FTCD: variants seen among roughly 807,000 people sequenced by gnomAD.
The protein encoded by FTCD is formimidoyltransferase-cyclodeaminase.
In FTCD, 76 loss-of-function variants were observed where a neutral mutation model predicts 62.9. The observed-to-expected ratio is 1.21, with a 90% CI of 1.00 to 1.46. The LOEUF is 1.46. Ranked by LOEUF, FTCD falls within the 40% of genes most tolerant of loss-of-function variation. The pLI is 0.00. For missense variants in FTCD, 845 were observed against 751.3 expected (o/e 1.12, Z -1.46); for synonymous variants, 397 against 336.9 (o/e 1.18, Z -1.95).
In FTCD at chr21:46,139,177, G is replaced by A. The variant is rs1264507640; in HGVS notation, c.1261-254C>T. 8.3e-5 allele frequency: 47 copies of A among 569,680 alleles called. No individual in the cohort carries two copies. The East Asian group carries it at 1.3e-3, about 16-fold the overall frequency. The allele number at this position is 569,680 out of a possible 1,614,324, so 35.3% of individuals were successfully genotyped here. ...GTGAGAAGCAGGTAGTTCCCTCAGG[G>A]CCCTTATTCTCAGCTAAAGAGCCTG... is the stretch of plus-strand genomic sequence containing the variant. On this transcript the variant is annotated intron_variant, in intron 10 of 13. Coordinates refer to ENST00000397746, the MANE Select transcript of FTCD (RefSeq NM_206965.2).
Position 46,155,467 on chromosome 21 carries a change from C to T in FTCD, c.54+3G>A. The T allele has an allele frequency of 1.2e-6, 2 of 1,612,154 alleles. No individual in the cohort carries two copies. The highest frequency in any genetic ancestry group is 1.7e-6 in the Non-Finnish European group (2 of 1,179,092). On this transcript the variant is annotated splice_donor_region_variant and intron_variant, in intron 1 of 13. Transcript: ENST00000397746. ...GATGCTTGACCAGCTCCTCGGGCCT[C>T]ACCTCCTGGTTCTTCCCCTCCGAAA...
chr21:46,143,834 A>C (rs1270282789), intron 10 of FTCD, among the ~76,000 whole-genome samples: 1 of 152,170 alleles, frequency 6.6e-6, no homozygotes, highest in East Asian at 1.9e-4. Flanking sequence ...AGTTTGAAGA[A>C]GACTCTGGTC....
intron 10 of FTCD, among the ~76,000 whole-genome samples, chr21:46,144,229 C>T (rs1185193884): frequency 6.6e-6 from 1 of 151,502 alleles, no homozygotes; most frequent in South Asian, 2.1e-4. Context: ...TACCGGTCTC[C>T]GTGTCTTAGT....
intron 10 of FTCD, among the ~76,000 whole-genome samples, chr21:46,141,298 G>C (rs954505059): frequency 2.1e-5 from 3 of 142,236 alleles, no homozygotes; most frequent in African/African-American, 8.6e-5. Flanking sequence ...ACCACGCCTG[G>C]CTTTATTTTT....
In FTCD at chr21:46,137,319, G is replaced by C; in HGVS notation, c.1459C>G (p.Leu487Val). The C allele has an allele frequency of 6.2e-7, 1 of 1,613,620 alleles. No individual in the cohort carries two copies. Among genetic ancestry groups the C allele is most frequent in the Non-Finnish European group, 8.5e-7 (1 of 1,179,876 alleles). ...TATGCGCCAAACACGCCCATCTCCA[G>C]GGCTTTGGCCGCCACCTGCAAGGAC... ...RSDLQVAAKA[L>V]EMGVFGAYFN... The change falls in exon 13 of 14, where the codon CTG becomes GTG. Residue 487 changes from leucine to valine, a missense_variant. Coordinates refer to ENST00000397746, the MANE Select transcript of FTCD (RefSeq NM_206965.2).
chr21:46,141,444 G>T (rs2079003657), intron 10 of FTCD, among the ~76,000 whole-genome samples: 1 of 151,950 alleles, frequency 6.6e-6, no homozygotes, highest in Admixed American at 6.6e-5. Flanking sequence ...ATCATGCCTG[G>T]CCTATTTCTA....
intron 2 of FTCD, 70 bp from the exon 3 acceptor site, chr21:46,153,105 G>A (rs896808754): frequency 6.6e-5 from 97 of 1,480,132 alleles, no homozygotes; most frequent in East Asian, 4.5e-4. Flanking sequence ...CGGGGTTCTC[G>A]GACCCTCTGT....
At chr21:46,140,903 T>C (rs371351050) in intron 10 of FTCD, among the ~76,000 whole-genome samples, 264 of 120,622 alleles carry the variant, frequency 2.2e-3, no homozygotes, top group Middle Eastern at 6.5e-3. Flanking sequence ...CGTAAACCAA[T>C]CCAGCACTCC....
intron 7 of FTCD, 103 bp downstream of exon 7, chr21:46,150,016 A>T: frequency 2.8e-6 from 3 of 1,055,724 alleles, no homozygotes; most frequent in Non-Finnish European, 4.3e-6. Context: ...ATGAAGGGGG[A>T]GGAGGGGGAG....
chr21:46,150,043 G>C lies in FTCD; in HGVS notation c.906+76C>G. ...GAGGGGGAGGGAAGCTGCGCCCCAG[G>C]GCTGTGAGCTCCGCCACCGCCTCCC... On this transcript the variant is annotated intron_variant, in intron 7 of 13. Transcript: ENST00000397746. The C allele has an allele frequency of 7.4e-6, 10 of 1,342,952 alleles. No homozygotes were observed. The South Asian group carries it at 1.2e-4, about 17-fold the overall frequency. The allele number at this position is 1,342,952 out of a possible 1,614,324, so 83.2% of individuals were successfully genotyped here.
At chr21:46,145,607 AG>A in intron 9 of FTCD, 29 bp from the exon 10 acceptor site, 1 of 1,515,144 alleles carries the variant, frequency 6.6e-7, no homozygotes. Context: ...TGGGGGTCGC[AG>A]GGACCCCAGA....
chr21:46,152,157 C>G (rs1045273711), intron 3 of FTCD, 177 bp from the exon 4 acceptor site: 1 of 583,190 alleles, frequency 1.7e-6, no homozygotes, highest in African/African-American at 1.9e-5. Flanking sequence ...CCAGTGGACC[C>G]TCAGTGTGGG....
intron 10 of FTCD, 48 bp from the exon 11 acceptor site, chr21:46,138,971 A>G: frequency 1.4e-6 from 2 of 1,450,860 alleles, no homozygotes. Context: ...TAGGGGGAGC[A>G]GCCATGCCCT....
intron 7 of FTCD, among the ~76,000 whole-genome samples, chr21:46,149,149 C>A (rs917878814): frequency 3.3e-5 from 5 of 152,134 alleles, no homozygotes; most frequent in African/African-American, 1.2e-4. Context: ...TGTATCTTCT[C>A]TGTAAGAAAT....
rs372393663 is a variant in FTCD at position 46,138,990 on chromosome 21, C to T, written c.1261-67G>A. 5,523 of 1,186,830 alleles carry T rather than the reference C, an allele frequency of 4.7e-3. 252 individuals are homozygous for T. In the South Asian group the frequency reaches 0.061, roughly 13 times the overall value. 73.5% of individuals were successfully genotyped at this position (1,186,830 alleles called of 1,614,324 possible). On this transcript the variant is annotated intron_variant, in intron 10 of 13. Coordinates refer to ENST00000397746, the MANE Select transcript of FTCD (RefSeq NM_206965.2). Reference sequence around the variant, plus strand: ...GGGAGCAGCCATGCCCTCTGAGCTCCCACAAGGGGCTGTAGCAAGGAGCAT... The same window carrying T: ...GGGAGCAGCCATGCCCTCTGAGCTCTCACAAGGGGCTGTAGCAAGGAGCAT...
At chr21:46,154,076 C>T in intron 2 of FTCD, 73 bp downstream of exon 2, 1 of 1,523,256 alleles carries the variant, frequency 6.6e-7, no homozygotes, top group Admixed American at 1.7e-5. Context: ...ACCCCCTCTC[C>T]CAGGACACCA....
rs771538518 is a variant in FTCD at position 46,150,168 on chromosome 21, CAGT to C, written c.854_856del (p.Tyr285del). 3.1e-6 allele frequency: 5 copies of C among 1,610,260 alleles called. No individual in the cohort carries two copies. In the Admixed American group the frequency reaches 8.4e-5, roughly 27 times the overall value. ...CAGGATGAAGAGGTTCTCCTTCTCG[CAGT>C]AGAAGGCGGCCGCATCCAGCAGAGC... On this transcript the variant is annotated inframe_deletion, in exon 7 of 14. Transcript: ENST00000397746.
rs547314598 is a variant in FTCD at position 46,152,448 on chromosome 21, G to A, written c.367+459C>T. The A allele has an allele frequency of 5.5e-5, 11 of 200,092 alleles. No individual in the cohort carries two copies. The South Asian group carries it at 8.1e-4, about 15-fold the overall frequency. 12.4% of individuals were successfully genotyped at this position (200,092 alleles called of 1,614,324 possible). ...GGTTACGTGTGCCCTGCATGCCGGC[G>A]TGACCGTGACGGGGGTTACGTGTGC... is the stretch of plus-strand genomic sequence containing the variant. On this transcript the variant is annotated intron_variant, in intron 3 of 13. Coordinates refer to ENST00000397746, the MANE Select transcript of FTCD (RefSeq NM_206965.2).
chr21:46,141,390 G>C (rs1399051704), intron 10 of FTCD, among the ~76,000 whole-genome samples: 1 of 151,690 alleles, frequency 6.6e-6, no homozygotes. Context: ...CAAGGGATTT[G>C]CCCACCTTGG....
Sources: allele counts gnomAD v4.1 joint callset (sites outside exome capture counted in the v4.1 genomes callset), GRCh38; gene constraint gnomAD v4.1.1; transcripts MANE v1.5; gene names NCBI Gene and HGNC (gene_info 2026-07-23, HGNC 2026-07-21).